SBF2: variants seen among roughly 807,000 people sequenced by gnomAD.
The protein encoded by SBF2 is SET binding factor 2, also known as myotubularin-related protein 13.
A neutral mutation model predicts 225.2 loss-of-function variants in SBF2; 112 were observed. The ratio of observed to expected loss-of-function variants is 0.50; its 90% confidence interval spans 0.43 to 0.58. SBF2 has a LOEUF of 0.58. Ranked by LOEUF, SBF2 falls within the 20% of genes least tolerant of loss-of-function variation. The pLI is 0.00. For synonymous variants in SBF2, 763 were observed against 773.3 expected, an observed-to-expected ratio of 0.99 and a Z score of 0.22; for missense variants, 1,996 against 2,206.2, an observed-to-expected ratio of 0.90 and a Z score of 1.91.
rs181204281 is a variant in SBF2 at position 10,149,249 on chromosome 11, C to G, written c.141+44653G>C. 57 of 152,292 alleles carry G rather than the reference C, an allele frequency of 3.7e-4. 1 individual carries two copies. The highest frequency in any genetic ancestry group is 1.2e-3 in the African/African-American group (51 of 41,540). 9.4% of individuals were successfully genotyped at this position (152,292 alleles called of 1,614,324 possible). On this transcript the variant is annotated intron_variant, in intron 2 of 39. Coordinates refer to ENST00000256190, the MANE Select transcript of SBF2 (RefSeq NM_030962.4). ...AAGAAAGCCACACATCTTAATCTGA[C>G]CATTATATCAATGTGTAGCCACTCG...
In SBF2 at chr11:9,786,615, A is replaced by T. The variant is rs533442291; in HGVS notation, c.5037+1019T>A. Among the ~76,000 whole-genome samples the T allele has an allele frequency of 2.0e-5, 3 of 152,120 alleles. No individual in the cohort carries two copies. The South Asian group carries it at 6.2e-4, about 32-fold the overall frequency. On this transcript the variant is annotated intron_variant, in intron 36 of 39. Transcript: ENST00000256190. ...TCTTCTTCCTGAACTGTTCTTCAGAACACTCATCTGTCCTAATTTCCCTTC... is the reference window on the plus strand; with the variant it reads ...TCTTCTTCCTGAACTGTTCTTCAGATCACTCATCTGTCCTAATTTCCCTTC...
In SBF2 at chr11:9,790,692, T is replaced by TA. The variant is rs1288135583; in HGVS notation, c.4571-10dup. 3 of 1,555,578 alleles carry TA rather than the reference T, an allele frequency of 1.9e-6. No individual in the cohort carries two copies. Among genetic ancestry groups the TA allele is most frequent in the Non-Finnish European group, 1.8e-6 (2 of 1,132,298 alleles). On this transcript the variant is annotated splice_polypyrimidine_tract_variant and intron_variant, in intron 33 of 39. Transcript: ENST00000256190. ...ATCATCAAATAAAGTTCCTGTAGAT[T>TA]AAAAAAATCCAACAAAACAAAATTA...
At chr11:10,045,804 C>A (rs897108649) in intron 2 of SBF2, among the ~76,000 whole-genome samples, 2 of 152,016 alleles carry the variant, frequency 1.3e-5, no homozygotes, top group African/African-American at 4.8e-5. Flanking sequence ...GTTAAAGAAA[C>A]TGAATCAATA....
intron 28 of SBF2, chr11:9,819,332 G>T (rs1345946624): frequency 2.6e-5 from 4 of 152,100 alleles, no homozygotes; most frequent in Admixed American, 2.0e-4. Context: ...GACAGAAAGA[G>T]AAATAAAATG....
At chr11:10,299,945 G>A (rs1964579234) in intron 1 of SBF2, among the ~76,000 whole-genome samples, 3 of 152,118 alleles carry the variant, frequency 2.0e-5, no homozygotes, top group Admixed American at 2.0e-4. Flanking sequence ...TGTCGGAAAG[G>A]GTCCTATTTA....
chr11:10,027,291 T>C (rs894450786), intron 6 of SBF2, among the ~76,000 whole-genome samples: 4 of 152,206 alleles, frequency 2.6e-5, no homozygotes, highest in East Asian at 3.8e-4. Context: ...TACTTTGAAA[T>C]TGATATCACC....
In SBF2 at chr11:9,816,860, C is replaced by A. The variant is rs1854482747; in HGVS notation, c.3958G>T (p.Gly1320Cys). The A allele has an allele frequency of 6.2e-7, 1 of 1,613,900 alleles. No individual in the cohort carries two copies. The highest frequency in any genetic ancestry group is 1.3e-5 in the African/African-American group (1 of 74,874). The change falls in exon 29 of 40, where the codon GGT becomes TGT. Residue 1320 changes from glycine (G) to cysteine (C), a missense_variant. By Grantham distance (159) the Gly-to-Cys change is radical. Coordinates refer to ENST00000256190, the MANE Select transcript of SBF2 (RefSeq NM_030962.4). Reference protein sequence around the residue: ...LKRQAALYIFGEKSQLRNFKV... With the variant: ...LKRQAALYIFCEKSQLRNFKV... ...CTTACCCTTAGTTGCGACTTTTCACCAAATATGTAAAGGGCTGCTTGCCGT... is the reference window on the plus strand; with the variant it reads ...CTTACCCTTAGTTGCGACTTTTCACAAAATATGTAAAGGGCTGCTTGCCGT...
chr11:9,892,971 C>G (rs1330409207), intron 17 of SBF2, among the ~76,000 whole-genome samples: 1 of 152,012 alleles, frequency 6.6e-6, no homozygotes, highest in Non-Finnish European at 1.5e-5. Flanking sequence ...TCCTAGGGAC[C>G]ATGTCAATGT....
intron 2 of SBF2, among the ~76,000 whole-genome samples, chr11:10,102,228 T>C (rs972384077): frequency 7.2e-5 from 11 of 152,226 alleles, no homozygotes; most frequent in African/African-American, 2.7e-4. Context: ...AGCATTAGAT[T>C]CTAGATAAGG....
chr11:9,997,699 A>G (rs572163789), intron 9 of SBF2, among the ~76,000 whole-genome samples: 1 of 152,242 alleles, frequency 6.6e-6, no homozygotes, highest in African/African-American at 2.4e-5. Context: ...AATGGTGTGA[A>G]CCCGGGAGGC....
Position 9,993,988 on chromosome 11 carries a change from G to C in SBF2, c.986C>G (p.Pro329Arg). ...TQSALSLILH[P>R]DLEVADHAFP... The stretch of plus-strand genomic sequence containing the variant: ...AGCATGATCTGCTACTTCCAAATCT[G>C]GGTGTAAAATCTAAAGCAAAAAAGT... Residue 329 changes from proline to arginine, a missense_variant, in exon 10 of 40, where the codon CCA becomes CGA. By Grantham distance (103) the Pro-to-Arg change is moderately radical (BLOSUM62 -2). Coordinates refer to ENST00000256190, the MANE Select transcript of SBF2 (RefSeq NM_030962.4). The C allele has an allele frequency of 8.3e-7, 1 of 1,209,506 alleles. No homozygotes were observed. Among genetic ancestry groups the C allele is most frequent in the Non-Finnish European group, 1.2e-6 (1 of 810,476 alleles). The allele number at this position is 1,209,506 out of a possible 1,614,324, so 74.9% of individuals were successfully genotyped here.
intron 2 of SBF2, among the ~76,000 whole-genome samples, chr11:10,152,894 CA>C (rs912389380): frequency 3.9e-5 from 6 of 152,164 alleles, no homozygotes; most frequent in African/African-American, 1.4e-4. Flanking sequence ...ATCAAAGGCA[CA>C]GAGGCCTGAA....
intron 2 of SBF2, among the ~76,000 whole-genome samples, chr11:10,059,068 C>A (rs1042500357): frequency 2.6e-5 from 4 of 152,106 alleles, no homozygotes; most frequent in Non-Finnish European, 5.9e-5. Context: ...CTTAAACACA[C>A]AGACCAGTGT....
At chr11:10,078,994 C>A (rs1951246803) in intron 2 of SBF2, among the ~76,000 whole-genome samples, 1 of 151,972 alleles carries the variant, frequency 6.6e-6, no homozygotes, top group South Asian at 2.1e-4. Flanking sequence ...CCAAATGCAC[C>A]CATAAGCAAA....
intron 2 of SBF2, among the ~76,000 whole-genome samples, chr11:10,077,803 A>T (rs1199017310): frequency 1.3e-5 from 2 of 152,242 alleles, no homozygotes; most frequent in African/African-American, 4.8e-5. Context: ...TAATTAAACT[A>T]AAGAGCTTCT....
chr11:9,949,918 C>T (rs2134321438), intron 16 of SBF2, among the ~76,000 whole-genome samples: 1 of 152,204 alleles, frequency 6.6e-6, no homozygotes, highest in Admixed American at 6.5e-5. Flanking sequence ...ATATTGAACA[C>T]ATTAAAATAT....
At chr11:9,886,203 A>G (rs998431704) in intron 17 of SBF2, among the ~76,000 whole-genome samples, 1 of 152,232 alleles carries the variant, frequency 6.6e-6, no homozygotes, top group Admixed American at 6.5e-5. Context: ...TAATGGCACT[A>G]CATAACCTAC....
intron 1 of SBF2, among the ~76,000 whole-genome samples, chr11:10,302,000 T>G (rs1436991050): frequency 6.6e-6 from 1 of 152,226 alleles, no homozygotes; most frequent in East Asian, 1.9e-4. Context: ...TTCTTTTTCT[T>G]TTCTCTTTTC....
intron 3 of SBF2, among the ~76,000 whole-genome samples, chr11:10,042,561 TCACCAAGAGAAGAA>T: frequency 6.6e-6 from 1 of 152,304 alleles, no homozygotes; most frequent in South Asian, 2.1e-4. Flanking sequence ...AATCACAGGT[TCACCAAGAGAAGAA>T]ATTAATATTC....
Sources: gnomAD v4.1 joint callset for allele counts (sites outside exome capture counted in the v4.1 genomes callset) on GRCh38, gnomAD v4.1.1 for gene constraint, MANE v1.5 for transcripts, NCBI Gene and HGNC (gene_info 2026-07-23, HGNC 2026-07-21) for gene names.